The following PSG11 variants were observed in gnomAD, a reference collection of about 807,000 sequenced individuals.
PSG11 encodes pregnancy specific beta-1-glycoprotein 11.
PSG11 carries 42 observed loss-of-function variants against 36.0 expected under a neutral mutation model. The observed-to-expected ratio is 1.17, with a 90% CI of 0.91 to 1.51. PSG11 has a LOEUF of 1.51. PSG11 is among the 40% of genes most tolerant of loss of function. PSG11 has a pLI of 0.00. For missense variants in PSG11, 558 were observed against 403.5 expected, an observed-to-expected ratio of 1.38 and a Z score of -3.28; for synonymous variants, 206 against 153.5, an observed-to-expected ratio of 1.34 and a Z score of -2.53.
At chr19:43,023,183 G>T (rs1310651713) in intron 2 of PSG11, among the ~76,000 whole-genome samples, 2 of 150,436 alleles carry the variant, frequency 1.3e-5, no homozygotes, top group Non-Finnish European at 3.0e-5. Flanking sequence ...AGAGGTAGTG[G>T]GGGGATGAAA....
chr19:43,026,137 T>G (rs552752512), intron 1 of PSG11, among the ~76,000 whole-genome samples, 172 bp downstream of exon 1: 7 of 150,226 alleles, frequency 4.7e-5, no homozygotes, highest in Non-Finnish European at 8.9e-5. Flanking sequence ...GAGACAGGGC[T>G]TCACTCTGTT....
intron 4 of PSG11, among the ~76,000 whole-genome samples, chr19:43,011,450 A>G (rs1026557634): frequency 2.9e-4 from 44 of 151,510 alleles, no homozygotes; most frequent in African/African-American, 1.1e-3. Flanking sequence ...TAGAGTTGAT[A>G]TAAATAAAAT....
intron 5 of PSG11, among the ~76,000 whole-genome samples, chr19:43,009,285 GA>G (rs1280091305): frequency 6.6e-6 from 1 of 151,330 alleles, no homozygotes; most frequent in Non-Finnish European, 1.5e-5. Flanking sequence ...TGCTTGTGAT[GA>G]AGGGTGTGGT....
At chr19:43,026,212 T>A in intron 1 of PSG11, 97 bp downstream of exon 1, 1 of 1,557,436 alleles carries the variant, frequency 6.4e-7, no homozygotes, top group Non-Finnish European at 8.8e-7. Flanking sequence ...AAATGCTGGC[T>A]TTTTTATTTT....
intron 2 of PSG11, chr19:43,024,341 C>T (rs984601372): frequency 8.5e-5 from 31 of 363,056 alleles, no homozygotes; most frequent in Non-Finnish European, 1.4e-4. Context: ...GAGAGTATCT[C>T]AGGGGCCCCT....
chr19:43,012,820 A>C (rs1302491363), intron 4 of PSG11, among the ~76,000 whole-genome samples: 1 of 151,428 alleles, frequency 6.6e-6, no homozygotes, highest in African/African-American at 2.4e-5. Flanking sequence ...GACTCTAAAT[A>C]GACACACAGC....
chr19:43,022,509 G>C (rs1967125651), intron 2 of PSG11, among the ~76,000 whole-genome samples: 1 of 151,354 alleles, frequency 6.6e-6, no homozygotes. Context: ...TGGGGAGGCT[G>C]ATTTCAGTAA....
Position 43,016,949 on chromosome 19 carries a change from C to G in PSG11, c.710-1579G>C, listed in dbSNP as rs916386582. On this transcript the variant is annotated intron_variant, in intron 3 of 5. Coordinates refer to ENST00000320078, the MANE Select transcript of PSG11 (RefSeq NM_002785.3). ...CCATATGTGTTTGATGGATATGAGA[C>G]AAATTTGGAGAAAAGTTTTGCAAGT... Among the ~76,000 whole-genome samples, 8 of 151,430 alleles carry G rather than the reference C, an allele frequency of 5.3e-5. 1 individual carries two copies. Among genetic ancestry groups the G allele is most frequent in the South Asian group, 2.1e-4 (1 of 4,782 alleles).
intron 2 of PSG11, among the ~76,000 whole-genome samples, chr19:43,021,550 A>G (rs116812915): frequency 0.027 from 4,027 of 151,214 alleles, 282 homozygotes; most frequent in African/African-American, 0.094. Flanking sequence ...ATGGGCTTTA[A>G]CCATGTTAGC....
chr19:43,009,551 T>C (rs1198824575), intron 5 of PSG11, among the ~76,000 whole-genome samples: 1 of 151,296 alleles, frequency 6.6e-6, no homozygotes, highest in Non-Finnish European at 1.5e-5. Context: ...AACTAGATTT[T>C]AGAAAGGTAA....
intron 5 of PSG11, among the ~76,000 whole-genome samples, chr19:43,008,966 G>T (rs1257116538): frequency 6.6e-6 from 1 of 151,034 alleles, no homozygotes; most frequent in Non-Finnish European, 1.5e-5. Context: ...AATGGGTGGG[G>T]CTTGAGCATC....
Position 43,018,759 on chromosome 19 carries a change from A to C in PSG11, c.709+11T>G, listed in dbSNP as rs9789252. 759,667 of 1,611,180 alleles carry C rather than the reference A, an allele frequency of 0.47. 195,461 individuals carry two copies. Among genetic ancestry groups the C allele is most frequent in the East Asian group, 0.99 (44,495 of 44,766 alleles). ...GGCAGCCTGGCTCACAGAGGAACAG[A>C]AGATACTCACGGAGGAGATTCAGGG... is the stretch of plus-strand genomic sequence containing the variant. On this transcript the variant is annotated intron_variant, in intron 3 of 5. Coordinates refer to ENST00000320078, the MANE Select transcript of PSG11 (RefSeq NM_002785.3).
At chr19:43,010,209 T>TC (rs1362527898) in intron 4 of PSG11, 168 bp from the exon 5 acceptor site, 15 of 1,452,656 alleles carry the variant, frequency 1.0e-5, no homozygotes, top group African/African-American at 4.3e-5. Context: ...CAGTTTTTTT[T>TC]CCCTCTCACC....
intron 5 of PSG11, 114 bp downstream of exon 5, chr19:43,009,844 T>G: frequency 1.3e-6 from 1 of 784,770 alleles, no homozygotes; most frequent in East Asian, 2.6e-5. Flanking sequence ...GAAGCAGGAG[T>G]TAGTGGATGA....
chr19:43,015,815 C>T (rs1241667936), intron 3 of PSG11: 1 of 1,610,240 alleles, frequency 6.2e-7, no homozygotes, highest in Admixed American at 1.7e-5. Context: ...CCATATCGGT[C>T]CCGTATTTCA....
chr19:43,009,737 A>G (rs1368156400), intron 5 of PSG11, among the ~76,000 whole-genome samples: 2 of 151,388 alleles, frequency 1.3e-5, no homozygotes, highest in African/African-American at 4.9e-5. Flanking sequence ...TCTGAGAAAC[A>G]AATGAGCAGA....
At chr19:43,025,728 G>A (rs189322270) in intron 1 of PSG11, among the ~76,000 whole-genome samples, 1 of 146,034 alleles carries the variant, frequency 6.8e-6, no homozygotes, top group African/African-American at 2.6e-5. Flanking sequence ...ATTTTTATTT[G>A]TAGTGTCATC....
intron 2 of PSG11, chr19:43,019,341 T>A (rs1247898440): frequency 2.1e-6 from 1 of 485,034 alleles, no homozygotes; most frequent in Non-Finnish European, 3.3e-6. Context: ...CCTCTCTGAG[T>A]CCCTCCATCT....
intron 3 of PSG11, 63 bp from the exon 4 acceptor site, chr19:43,015,433 C>G (rs1966938041): frequency 6.5e-7 from 1 of 1,533,170 alleles, no homozygotes; most frequent in Admixed American, 1.8e-5. Context: ...CTCCTTGTCT[C>G]TTAAAGGGAC....
Sources: gnomAD v4.1 joint callset for allele counts (sites outside exome capture counted in the v4.1 genomes callset) on GRCh38, gnomAD v4.1.1 for gene constraint, MANE v1.5 for transcripts, NCBI Gene and HGNC (gene_info 2026-07-23, HGNC 2026-07-21) for gene names.